Variants in DIDO1 observed in about 807,000 individuals in gnomAD.
The protein encoded by DIDO1 is death inducer-obliterator 1, also known as death-inducer obliterator 1.
In DIDO1, 16 loss-of-function variants were observed where a neutral mutation model predicts 99.4. The ratio of observed to expected loss-of-function variants is 0.16; its 90% CI spans 0.11 to 0.24. The LOEUF is 0.24. DIDO1 is among the 10% of genes least tolerant of loss of function. The probability of loss-of-function intolerance (pLI) is 1.00; values close to 1 mark genes in which losing one functional copy is unlikely to be tolerated. For missense variants in DIDO1, 2,996 were observed against 3,014.0 expected (o/e 0.99, Z 0.14); for synonymous variants, 1,366 against 1,239.1 (o/e 1.10, Z -2.15).
intron 6 of DIDO1, among the ~76,000 whole-genome samples, chr20:62,901,891 G>T (rs957241202): frequency 6.6e-6 from 1 of 151,702 alleles, no homozygotes; most frequent in Admixed American, 6.6e-5. Context: ...TACCACATTG[G>T]AGGAATTGTA....
In DIDO1 at chr20:62,893,564, A is replaced by G. The variant is rs2064444256; in HGVS notation, c.3101+102T>C. 4.5e-6 allele frequency: 6 copies of G among 1,346,822 alleles called. No homozygotes were observed. In the Admixed American group the frequency reaches 7.7e-5, roughly 17 times the overall value. 83.4% of individuals were successfully genotyped at this position (1,346,822 alleles called of 1,614,324 possible). A position where few individuals can be genotyped will look rare whatever the true frequency, so the allele number is the denominator to read the frequency against. ...AGATGAAAGAGTGAAGCTGTATTTC[A>G]GGTTACATTTCCAAGTTCAACTATT... On this transcript the variant is annotated intron_variant, in intron 12 of 15. Coordinates refer to ENST00000395343, the MANE Select transcript of DIDO1 (RefSeq NM_001193369.2).
rs1319236271 is a variant in DIDO1, at chr20:62,890,941, C to T, written c.3541+19G>A. Reference sequence around the variant, plus strand: ...AGGTGCAGGTGGGCCTCACCTCCACCCAGAAAGCCGGCGCTTACCTGGTCC... The same window carrying T: ...AGGTGCAGGTGGGCCTCACCTCCACTCAGAAAGCCGGCGCTTACCTGGTCC... On this transcript the variant is annotated intron_variant, in intron 15 of 15. Transcript: ENST00000395343. 1.2e-6 allele frequency: 2 copies of T among 1,613,092 alleles called. No homozygotes were observed. Among genetic ancestry groups the T allele is most frequent in the Admixed American group, 1.7e-5 (1 of 60,016 alleles).
At chr20:62,895,784 C>G (rs538663732) in intron 8 of DIDO1, among the ~76,000 whole-genome samples, 1 of 152,234 alleles carries the variant, frequency 6.6e-6, no homozygotes, top group African/African-American at 2.4e-5. Flanking sequence ...GCCCCTGCTC[C>G]AAGTGGTGAG....
chr20:62,930,790 G>A (rs1017621174), upstream of DIDO1, among the ~76,000 whole-genome samples: 3 of 152,206 alleles, frequency 2.0e-5, no homozygotes. Flanking sequence ...GGTCACATTA[G>A]CCTCTGTAAG....
chr20:62,907,078 A>G (rs2064823254), intron 5 of DIDO1, 69 bp downstream of exon 5: 2 of 1,548,820 alleles, frequency 1.3e-6, no homozygotes, highest in African/African-American at 2.7e-5. Flanking sequence ...CTACAAACCA[A>G]CAGTTCTGCG....
At chr20:62,903,879 A>G (rs1027262583) in intron 6 of DIDO1, among the ~76,000 whole-genome samples, 2 of 152,188 alleles carry the variant, frequency 1.3e-5, no homozygotes, top group Admixed American at 1.3e-4. Context: ...AGAAGAGGTC[A>G]GAGTACCCCG....
In DIDO1 at chr20:62,894,930, C is replaced by T. The variant is rs377657352; in HGVS notation, c.2332-16G>A. The T allele has an allele frequency of 2.1e-4, 339 of 1,611,034 alleles. No homozygotes were observed. Among genetic ancestry groups the T allele is most frequent in the Non-Finnish European group, 2.4e-4 (287 of 1,178,330 alleles). ...ACTCCATCACCTGAAATGAAAAAGA[C>T]GAAACAGAGCTTAGGCCTTGTTTTC... On this transcript the variant is annotated splice_polypyrimidine_tract_variant and intron_variant, in intron 9 of 15. Coordinates refer to ENST00000395343, the MANE Select transcript of DIDO1 (RefSeq NM_001193369.2). The surrounding 1 kb of genome is among the most constrained non-coding windows in gnomAD (Gnocchi z 4.4).
Position 62,880,939 on chromosome 20 carries a change from G to C in DIDO1, c.5017C>G (p.Pro1673Ala). The C allele has an allele frequency of 6.2e-7, 1 of 1,608,750 alleles. No individual in the cohort carries two copies. Among genetic ancestry groups the C allele is most frequent in the South Asian group, 1.1e-5 (1 of 91,062 alleles). ...TCCCTCTCACCGTCGTGCTGCAGCG[G>C]GAAGCCGGGCTGCAGGGCGCCGCAA... ...PPCGALQPGF[P>A]LQHDGERDPF... Residue 1673 changes from proline to alanine, a missense_variant, in exon 16 of 16, where the codon CCG becomes GCG. Physicochemically the swap from Pro to Ala is conservative, Grantham distance 27. Transcript: ENST00000395343.
At position 62,894,182 on chromosome 20, in the gene DIDO1, G is replaced by A. The variant is rs1330239181; in HGVS notation, c.2585C>T (p.Ser862Phe). The change falls in exon 12 of 16, where the codon TCC (serine) becomes TTC (phenylalanine). Residue 862 changes from serine to phenylalanine, a missense_variant. Ser to Phe is a radical substitution (Grantham distance 155, BLOSUM62 -2). Transcript: ENST00000395343. The surrounding 1 kb of genome is among the most constrained non-coding windows in gnomAD (Gnocchi z 4.4). ...NCKICTGQVP[S>F]AEDEPAPKKQ... The stretch of plus-strand genomic sequence containing the variant: ...TTTCGGAGCTGGCTCATCTTCTGCG[G>A]AGGGAACCTGGCCTGAAGAAGGCGA... 2 of 1,613,268 alleles carry A rather than the reference G, an allele frequency of 1.2e-6. No individual in the cohort carries two copies. Among genetic ancestry groups the A allele is most frequent in the South Asian group, 2.2e-5 (2 of 91,070 alleles).
At position 62,878,997 on chromosome 20, in the gene DIDO1, G is replaced by A. The variant is rs1235972970; in HGVS notation, c.*236C>T. On this transcript the variant is annotated 3_prime_UTR_variant, in exon 16 of 16. Transcript: ENST00000395343. Reference sequence around the variant, plus strand: ...ATCTGAAAAGCAATATGCTCCGTAGGCAATTTCCCATTTCTTTTAATTTTA... The same window carrying A: ...ATCTGAAAAGCAATATGCTCCGTAGACAATTTCCCATTTCTTTTAATTTTA... 1 of 442,616 alleles carries A rather than the reference G, an allele frequency of 2.3e-6. No homozygotes were observed. The highest frequency in any genetic ancestry group is 3.9e-6 in the Non-Finnish European group (1 of 256,210). The allele number at this position is 442,616 out of a possible 1,614,324, so 27.4% of individuals were successfully genotyped here.
chr20:62,881,579 C>A lies in DIDO1; in HGVS notation c.4377G>T (p.Arg1459Ser). Reference sequence around the variant, plus strand: ...CAGCCCCGGCCACCGGCTCGGCAGGCCTCTCCACGGAGTTCCTTCTCACGT... The same window carrying A: ...CAGCCCCGGCCACCGGCTCGGCAGGACTCTCCACGGAGTTCCTTCTCACGT... The part of the protein sequence containing the change: ...CADVRRNSVE[R>S]PAEPVAGAAT... Residue 1459 changes from arginine to serine, a missense_variant, in exon 16 of 16, where the codon AGG (arginine) becomes AGT (serine). Transcript: ENST00000395343. This position sits in a 1 kb window ranked among gnomAD's most constrained non-coding sequence, Gnocchi z 8.3. The A allele has an allele frequency of 6.2e-7, 1 of 1,611,464 alleles. No individual in the cohort carries two copies. Among genetic ancestry groups the A allele is most frequent in the Non-Finnish European group, 8.5e-7 (1 of 1,180,028 alleles).
At position 62,895,091 on chromosome 20, in the gene DIDO1, T is replaced by C. The variant is rs753006299; in HGVS notation, c.2289A>G (p.Val763=). The change falls in exon 9 of 16, where the codon GTA becomes GTG. Residue 763 remains valine (V), a synonymous_variant. Coordinates refer to ENST00000395343, the MANE Select transcript of DIDO1 (RefSeq NM_001193369.2). ...KLVRLKPEEL[V]SKELSTWKER... is the part of the protein sequence containing the mutation. ...CTTTCCACGTGGAAAGCTCTTTAGATACAAGTTCTTCTGGCTTCAGTCTCA... is the reference window on the plus strand; with the variant it reads ...CTTTCCACGTGGAAAGCTCTTTAGACACAAGTTCTTCTGGCTTCAGTCTCA... 2.5e-6 allele frequency: 4 copies of C among 1,612,012 alleles called. No individual in the cohort carries two copies. The South Asian group carries it at 4.4e-5, about 18-fold the overall frequency.
chr20:62,937,838 G>C (rs912192347), exon 1 of DIDO1: 6 of 398,350 alleles, frequency 1.5e-5, no homozygotes, highest in East Asian at 1.4e-4. Flanking sequence ...CCCGGTTCCA[G>C]ATTTCCGCGC....
In DIDO1 at chr20:62,881,460, G is replaced by A. The variant is rs1298368186; in HGVS notation, c.4496C>T (p.Ala1499Val). Residue 1499 changes from alanine to valine, a missense_variant, in exon 16 of 16, where the codon GCT becomes GTT. Ala to Val is a moderately conservative substitution (Grantham distance 64). Coordinates refer to ENST00000395343, the MANE Select transcript of DIDO1 (RefSeq NM_001193369.2). This position sits in a 1 kb window ranked among gnomAD's most constrained non-coding sequence, Gnocchi z 8.3. ...QKRQLEEQEEALRQQRAAVGV... is the reference protein window; with the variant it reads ...QKRQLEEQEEVLRQQRAAVGV... ...GACGGCGGCCCTCTGCTGCCTGAGA[G>A]CTTCTTCTTGCTCCTCCAGCTGTCT... 3 of 1,609,794 alleles carry A rather than the reference G, an allele frequency of 1.9e-6. No individual in the cohort carries two copies. Among genetic ancestry groups the A allele is most frequent in the South Asian group, 1.1e-5 (1 of 91,070 alleles).
At chr20:62,907,439 T>C in intron 4 of DIDO1, 80 bp from the exon 5 acceptor site, 13 of 1,354,682 alleles carry the variant, frequency 9.6e-6, no homozygotes, top group South Asian at 3.7e-5. Flanking sequence ...AAAATCACCA[T>C]TTATAGTACC....
intron 1 of DIDO1, among the ~76,000 whole-genome samples, chr20:62,936,085 G>C (rs1021858817): frequency 3.3e-5 from 5 of 152,216 alleles, no homozygotes; most frequent in African/African-American, 1.2e-4. Flanking sequence ...TAGCACTCAA[G>C]CTTTCTGCTC....
At chr20:62,929,693 G>GTATATATATATATATATATAAA (rs565069048), upstream of DIDO1, among the ~76,000 whole-genome samples, 1 of 97,968 alleles carries the variant, frequency 1.0e-5, no homozygotes, top group African/African-American at 5.3e-5. Context: ...AAAAGAAAAA[G>GTATATATATATATATATATAAA]TGTATATATA....
Position 62,882,057 on chromosome 20 carries a change from G to A in DIDO1, c.3899C>T (p.Ala1300Val). The A allele has an allele frequency of 6.2e-7, 1 of 1,613,592 alleles. No homozygotes were observed. Among genetic ancestry groups the A allele is most frequent in the Non-Finnish European group, 8.5e-7 (1 of 1,180,036 alleles). Residue 1300 changes from alanine to valine, a missense_variant, in exon 16 of 16, where the codon GCT (alanine) becomes GTT (valine). Ala to Val is a moderately conservative substitution (Grantham distance 64). Around this residue, in one of 5 missense-constraint regions of DIDO1, gnomAD observed 1,562 missense variants for 1,412.6 expected, o/e 1.11. Coordinates refer to ENST00000395343, the MANE Select transcript of DIDO1 (RefSeq NM_001193369.2). ...ATTAAAASTAASSTASSASKT... is the reference protein window; with the variant it reads ...ATTAAAASTAVSSTASSASKT... ...GGAAGCAGACGAAGCGGTGGAGGAA[G>A]CTGCCGTGGAGGCTGCCGCTGCTGT... is the stretch of plus-strand genomic sequence containing the variant.
At position 62,879,794 on chromosome 20, in the gene DIDO1, C is replaced by A. The variant is rs779845883; in HGVS notation, c.6162G>T (p.Ala2054=). 9 of 1,611,238 alleles carry A rather than the reference C, an allele frequency of 5.6e-6. No individual in the cohort carries two copies. The highest frequency in any genetic ancestry group is 6.8e-6 in the Non-Finnish European group (8 of 1,179,706). The change falls in exon 16 of 16, where the codon GCG becomes GCT. Residue 2054 remains alanine (A), a synonymous_variant. Transcript: ENST00000395343. The surrounding 1 kb of genome is among the most constrained non-coding windows in gnomAD (Gnocchi z 6.3). The stretch of plus-strand genomic sequence containing the variant: ...CGTCGGCCTCGGGGCCCTGTCCGGG[C>A]GCACTGGAGGAGAGCGCGGAGGGCG... The part of the protein sequence containing the change: ...AGPPSALSSS[A]PGQGPEADGQ...
Sources: allele counts gnomAD v4.1 joint callset (sites outside exome capture counted in the v4.1 genomes callset), GRCh38; gene constraint gnomAD v4.1.1; regional missense constraint gnomAD v4.1.1; non-coding constraint Gnocchi (gnomAD v3.1); transcripts MANE v1.5; gene names NCBI Gene and HGNC (gene_info 2026-07-23, HGNC 2026-07-21).